FBLN7: variants seen among roughly 807,000 people sequenced by gnomAD.
FBLN7 encodes the protein fibulin-7.
Under a neutral mutation model 44.0 loss-of-function variants are expected in FBLN7, and 31 were observed. The ratio of observed to expected loss-of-function variants is 0.70; its 90% confidence interval spans 0.53 to 0.95. FBLN7 has a LOEUF of 0.95. FBLN7 is among the 40% of genes least tolerant of loss of function. The probability of loss-of-function intolerance (pLI) is 0.00; values close to 1 mark genes in which losing one functional copy is unlikely to be tolerated. For missense variants in FBLN7, 573 were observed against 618.5 expected (o/e 0.93, Z 0.78); for synonymous variants, 262 against 253.4 (o/e 1.03, Z -0.32).
At chr2:112,157,212 A>G (rs953999039) in intron 1 of FBLN7, among the ~76,000 whole-genome samples, 1 of 152,140 alleles carries the variant, frequency 6.6e-6, no homozygotes, top group Non-Finnish European at 1.5e-5. Context: ...TCTACTAAAA[A>G]TACAAAAATT....
chr2:112,159,925 C>T (rs1447088886), intron 2 of FBLN7, 90 bp downstream of exon 2: 11 of 1,139,592 alleles, frequency 9.7e-6, no homozygotes, highest in Non-Finnish European at 1.3e-5. Context: ...CCTCGTCACC[C>T]CTCACCCTTC....
intron 6 of FBLN7, 67 bp from the exon 7 acceptor site, chr2:112,185,134 T>C (rs1683204302): frequency 1.3e-6 from 2 of 1,565,802 alleles, no homozygotes; most frequent in Non-Finnish European, 1.7e-6. Flanking sequence ...GGGCCTCTCA[T>C]GTGGTTCTGT....
In FBLN7 at chr2:112,148,174, A is replaced by C. The variant is rs1232505300; in HGVS notation, c.75+9444A>C. 2.0e-5 allele frequency among the ~76,000 whole-genome samples: 3 copies of C among 152,162 alleles called. No individual in the cohort carries two copies. In the East Asian group the frequency reaches 5.8e-4, roughly 29 times the overall value. On this transcript the variant is annotated intron_variant, in intron 1 of 7. Coordinates refer to ENST00000331203, the MANE Select transcript of FBLN7 (RefSeq NM_153214.3). Reference sequence around the variant, plus strand: ...GTATGGCCTGGGAAGTCAGCCCATCAGTGTCAATTTAGCTGCCGATTCGGA... The same window carrying C: ...GTATGGCCTGGGAAGTCAGCCCATCCGTGTCAATTTAGCTGCCGATTCGGA...
the FBLN7 span, among the ~76,000 whole-genome samples, chr2:112,197,258 CACACACACACACACACAG>C: frequency 8.7e-4 from 111 of 127,148 alleles, no homozygotes; most frequent in African/African-American, 3.1e-3. Context: ...CACACACACA[CACACACACACACACACAG>C]AGAGAGAGAG....
chr2:112,185,091 A>G, intron 6 of FBLN7, 110 bp from the exon 7 acceptor site: 1 of 1,396,412 alleles, frequency 7.2e-7, no homozygotes, highest in Non-Finnish European at 9.7e-7. Context: ...AATAAGTGCC[A>G]GGAGCAGGGA....
At chr2:112,165,314 C>A in intron 3 of FBLN7, 143 bp downstream of exon 3, 1 of 1,042,248 alleles carries the variant, frequency 9.6e-7, no homozygotes, top group Non-Finnish European at 1.4e-6. Context: ...GCCAATGTGC[C>A]TGATCACTCA....
At chr2:112,197,540 C>T in the FBLN7 span, among the ~76,000 whole-genome samples, 1 of 152,116 alleles carries the variant, frequency 6.6e-6, no homozygotes, top group African/African-American at 2.4e-5. Flanking sequence ...GTATTTTGTT[C>T]CAGCAGCCCT....
the FBLN7 span, among the ~76,000 whole-genome samples, chr2:112,200,838 C>T: frequency 6.6e-6 from 1 of 152,142 alleles, no homozygotes; most frequent in Admixed American, 6.6e-5. Context: ...CCACACCCAG[C>T]CTAAATGTTT....
the FBLN7 span, among the ~76,000 whole-genome samples, chr2:112,194,807 A>C: frequency 6.6e-6 from 1 of 152,112 alleles, no homozygotes; most frequent in Non-Finnish European, 1.5e-5. Context: ...CTTTGCATGC[A>C]TTCTTTTGGG....
chr2:112,148,082 T>A (rs969001762), intron 1 of FBLN7, among the ~76,000 whole-genome samples: 8 of 151,864 alleles, frequency 5.3e-5, no homozygotes, highest in African/African-American at 1.9e-4. Context: ...TATTTCTTGG[T>A]CTGAGAAAAA....
chr2:112,236,488 T>C, the FBLN7 span: 2 of 1,565,672 alleles, frequency 1.3e-6, no homozygotes, highest in Non-Finnish European at 1.7e-6. Flanking sequence ...ATAGCACTTC[T>C]TGTCACTGAA....
In FBLN7 at chr2:112,181,781, G is replaced by C; in HGVS notation, c.575G>C (p.Arg192Pro). The C allele has an allele frequency of 6.9e-7, 1 of 1,442,492 alleles. No individual in the cohort carries two copies. The highest frequency in any genetic ancestry group is 9.1e-7 in the Non-Finnish European group (1 of 1,103,422). The allele number at this position is 1,442,492 out of a possible 1,614,324, so 89.4% of individuals were successfully genotyped here. A position where few individuals can be genotyped will look rare whatever the true frequency, so the allele number is the denominator to read the frequency against. ...GTGGCCGGCGACTCCGCCTTCAGCC[G>C]CGCGCCGCGCTGTGCGCAGGTGGAG... ...GSVAGDSAFS[R>P]APRCAQVERA... Residue 192 changes from arginine to proline, a missense_variant, in exon 5 of 8, where the codon CGC becomes CCC. Arg to Pro is a moderately radical substitution (Grantham distance 103). Coordinates refer to ENST00000331203, the MANE Select transcript of FBLN7 (RefSeq NM_153214.3).
At chr2:112,235,010 C>T in the FBLN7 span, among the ~76,000 whole-genome samples, 3 of 151,544 alleles carry the variant, frequency 2.0e-5, no homozygotes, top group East Asian at 1.9e-4. Flanking sequence ...AGAAATACAC[C>T]GTCAAAGATG....
At chr2:112,197,234 AACACACACACACAC>A in the FBLN7 span, among the ~76,000 whole-genome samples, 10 of 89,334 alleles carry the variant, frequency 1.1e-4, no homozygotes, top group South Asian at 8.9e-4. Flanking sequence ...CGTAAGAGAA[AACACACACACACAC>A]ACACACACAC....
chr2:112,195,365 C>T, the FBLN7 span, among the ~76,000 whole-genome samples: 28 of 152,306 alleles, frequency 1.8e-4, no homozygotes, highest in Admixed American at 5.9e-4. Flanking sequence ...GTGGCACTTA[C>T]GCAATAGCTT....
intron 4 of FBLN7, among the ~76,000 whole-genome samples, chr2:112,179,704 C>G (rs1411292643): frequency 6.6e-6 from 1 of 152,190 alleles, no homozygotes; most frequent in Non-Finnish European, 1.5e-5. Flanking sequence ...CTATGACCAT[C>G]TGATCTTTGA....
At chr2:112,180,792 G>A (rs1328224967) in intron 4 of FBLN7, among the ~76,000 whole-genome samples, 2 of 151,816 alleles carry the variant, frequency 1.3e-5, no homozygotes, top group Admixed American at 6.6e-5. Flanking sequence ...GTGTGGTGGC[G>A]GGCGCCTGTA....
In FBLN7 at chr2:112,185,323, G is replaced by A. The variant is rs546176669; in HGVS notation, c.931G>A (p.Val311Met). 2.0e-5 allele frequency: 33 copies of A among 1,613,746 alleles called. No homozygotes were observed. Among genetic ancestry groups the A allele is most frequent in the South Asian group, 1.4e-4 (13 of 91,074 alleles). The change falls in exon 7 of 8, where the codon GTG (valine) becomes ATG (methionine). Residue 311 changes from valine to methionine, a missense_variant. By Grantham distance (21) the Val-to-Met change is conservative. Coordinates refer to ENST00000331203, the MANE Select transcript of FBLN7 (RefSeq NM_153214.3). ...CPEGSGNVSY[V>M]KTSPFQCERN... is the part of the protein sequence containing the mutation. ...CGAGGGCAGCGGCAATGTGAGCTAC[G>A]TGAAGACGTCTCCATTGTGAGTATC...
intron 5 of FBLN7, 71 bp downstream of exon 5, chr2:112,181,947 C>CCA: frequency 1.4e-6 from 2 of 1,472,474 alleles, no homozygotes; most frequent in South Asian, 2.6e-5. Context: ...GGGCTCTCAC[C>CCA]CACCGCCCTC....
Sources: allele counts gnomAD v4.1 joint callset (sites outside exome capture counted in the v4.1 genomes callset), GRCh38; gene constraint gnomAD v4.1.1; transcripts MANE v1.5; gene names NCBI Gene and HGNC (gene_info 2026-07-23, HGNC 2026-07-21).